The following NAV1 variants were observed in gnomAD, a reference collection of about 807,000 sequenced individuals.
NAV1 encodes neuron navigator 1.
A neutral mutation model predicts 175.2 loss-of-function variants in NAV1; 18 were observed. That is an observed-to-expected ratio of 0.10 (90% CI 0.07 to 0.15). NAV1 has a LOEUF of 0.15. Among genes scored for constraint, NAV1 ranks in the 10% least tolerant of loss-of-function variants. NAV1 has a pLI of 1.00. For missense variants in NAV1, 1,731 were observed against 2,436.6 expected, an observed-to-expected ratio of 0.71 and a Z score of 6.10; for synonymous variants, 897 against 978.7, an observed-to-expected ratio of 0.92 and a Z score of 1.56.
rs193197327 is a variant in NAV1 at position 201,633,983 on chromosome 1, C to T, written c.4+4476C>T. On this transcript the variant is annotated intron_variant, in intron 2 of 29. Transcript: ENST00000367302. Reference sequence around the variant, plus strand: ...TCATAATAGCACTTGTAGCAGCAGCCGACACTTACCGTGGCTTACTGTGAA... The same window carrying T: ...TCATAATAGCACTTGTAGCAGCAGCTGACACTTACCGTGGCTTACTGTGAA... Among the ~76,000 whole-genome samples, 6 of 152,228 alleles carry T rather than the reference C, an allele frequency of 3.9e-5. No individual in the cohort carries two copies. In the East Asian group the frequency reaches 5.8e-4, roughly 15 times the overall value.
intron 1 of NAV1, among the ~76,000 whole-genome samples, chr1:201,562,354 G>A (rs549705676): frequency 9.9e-5 from 15 of 152,202 alleles, no homozygotes; most frequent in East Asian, 3.9e-4. Flanking sequence ...TATGCCCCCC[G>A]ACCTTGGGTC....
intron 1 of NAV1, among the ~76,000 whole-genome samples, chr1:201,546,763 G>T (rs888955362): frequency 2.6e-5 from 4 of 151,634 alleles, no homozygotes; most frequent in African/African-American, 9.7e-5. Context: ...AATTAGCTGG[G>T]CATGGTGGTG....
At chr1:201,785,927 G>A (rs1353605780) in intron 8 of NAV1, among the ~76,000 whole-genome samples, 1 of 151,408 alleles carries the variant, frequency 6.6e-6, no homozygotes, top group Non-Finnish European at 1.5e-5. Flanking sequence ...CGAGTAGCTG[G>A]GGTTATAGGT....
chr1:201,720,571 G>C (rs1169716327), intron 3 of NAV1, among the ~76,000 whole-genome samples: 1 of 152,226 alleles, frequency 6.6e-6, no homozygotes, highest in Non-Finnish European at 1.5e-5. Flanking sequence ...GTCGCAGTCT[G>C]AGGAAGGTGG....
intron 1 of NAV1, among the ~76,000 whole-genome samples, chr1:201,661,875 A>G (rs946844679): frequency 1.3e-5 from 2 of 152,250 alleles, no homozygotes; most frequent in African/African-American, 4.8e-5. Context: ...CATAATATCT[A>G]TCATTTATTA....
intron 11 of NAV1, among the ~76,000 whole-genome samples, chr1:201,790,118 G>C (rs972945654): frequency 6.6e-6 from 1 of 152,182 alleles, no homozygotes; most frequent in African/African-American, 2.4e-5. Flanking sequence ...ATGAAGGTGA[G>C]ATGAATAGAT....
chr1:201,571,204 A>G (rs1181860218), intron 1 of NAV1, among the ~76,000 whole-genome samples: 1 of 152,236 alleles, frequency 6.6e-6, no homozygotes, highest in African/African-American at 2.4e-5. Flanking sequence ...GGTGTGATGA[A>G]GGAGAAGTCA....
chr1:201,642,525 T>TTCTTTCTTTCTTTCTTTCTTTCTTTC lies in NAV1; in HGVS notation c.5-6108_5-6107insCTTTCTTTCTTTCTTTCTTTCTTTCT, dbSNP rs1553247051. 1.7e-4 allele frequency among the ~76,000 whole-genome samples: 17 copies of TTCTTTCTTTCTTTCTTTCTTTCTTTC among 100,306 alleles called. 1 individual carries two copies. Among genetic ancestry groups the TTCTTTCTTTCTTTCTTTCTTTCTTTC allele is most frequent in the African/African-American group, 7.3e-4 (17 of 23,132 alleles). The allele number at this position is 100,306 out of a possible 152,430, so 65.8% of individuals were successfully genotyped here. ...CCGCACCCGGCCTCTTTCTTTCTTT[T>TTCTTTCTTTCTTTCTTTCTTTCTTTC]TTTCTTTCTTTCTTTCTTTCTTTCT... On this transcript the variant is annotated intron_variant, in intron 2 of 29. Coordinates refer to the NAV1 transcript ENST00000367302.
upstream of NAV1, chr1:201,648,242 C>T (rs1009060566): frequency 2.9e-6 from 3 of 1,022,130 alleles, no homozygotes; most frequent in Non-Finnish European, 3.5e-6. Flanking sequence ...CCCGGCAGTG[C>T]GGTGTCCACG....
At chr1:201,766,928 TCTC>T (rs1347104868) in intron 3 of NAV1, among the ~76,000 whole-genome samples, 1 of 151,804 alleles carries the variant, frequency 6.6e-6, no homozygotes, top group East Asian at 2.0e-4. Flanking sequence ...TTCAAGCAAT[TCTC>T]CTGCCTCAGC....
At chr1:201,706,632 T>C (rs144395807) in intron 1 of NAV1, among the ~76,000 whole-genome samples, 9 of 152,278 alleles carry the variant, frequency 5.9e-5, no homozygotes, top group Non-Finnish European at 7.4e-5. Flanking sequence ...TTGAAAACAT[T>C]CTTTCTTTGG....
intron 1 of NAV1, among the ~76,000 whole-genome samples, chr1:201,574,515 G>T (rs750329846): frequency 2.0e-5 from 3 of 152,154 alleles, no homozygotes; most frequent in Non-Finnish European, 4.4e-5. Context: ...CAGGTTTCCT[G>T]TGAGCAAGCA....
exon 30 of NAV1, chr1:201,826,613 C>T (rs1325689970): frequency 6.6e-6 from 1 of 152,020 alleles, no homozygotes; most frequent in Non-Finnish European, 1.5e-5. Flanking sequence ...AAATCCCAAA[C>T]CAGGATATGT....
intron 2 of NAV1, among the ~76,000 whole-genome samples, chr1:201,615,292 T>C: frequency 6.7e-6 from 1 of 148,852 alleles, no homozygotes; most frequent in East Asian, 2.0e-4. Context: ...TGAGATGGAG[T>C]CTCACTCTGT....
At chr1:201,667,490 A>G (rs1423630400) in intron 1 of NAV1, among the ~76,000 whole-genome samples, 8 of 152,192 alleles carry the variant, frequency 5.3e-5, no homozygotes, top group African/African-American at 1.7e-4. Flanking sequence ...AATTTGCCCA[A>G]GTCCACCCAG....
intron 1 of NAV1, among the ~76,000 whole-genome samples, chr1:201,545,053 T>G (rs1262471062): frequency 6.6e-6 from 1 of 152,242 alleles, no homozygotes; most frequent in Non-Finnish European, 1.5e-5. Flanking sequence ...ACACTCTGTG[T>G]GACCTTGGGC....
intron 3 of NAV1, among the ~76,000 whole-genome samples, chr1:201,746,070 C>T (rs950909808): frequency 6.6e-6 from 1 of 152,102 alleles, no homozygotes; most frequent in African/African-American, 2.4e-5. Flanking sequence ...TCAAGCAATC[C>T]ACCCACCTCA....
Position 201,781,124 on chromosome 1 carries a change from T to C in NAV1, c.1478T>C (p.Met493Thr), listed in dbSNP as rs1195024818. 1.9e-6 allele frequency: 3 copies of C among 1,614,202 alleles called. No individual in the cohort carries two copies. In the Admixed American group the frequency reaches 5.0e-5, roughly 27 times the overall value. ...GAGTACGACAGTGGTAGCCTGAAGA[T>C]GGAACCTGGGACTTCTAAGTGGCGG... The change falls in exon 5 of 30, where the codon ATG becomes ACG. Residue 493 changes from methionine to threonine, a missense_variant. By Grantham distance (81) the Met-to-Thr change is moderately conservative. Transcript: ENST00000367296.
intron 2 of NAV1, among the ~76,000 whole-genome samples, chr1:201,601,200 G>C (rs1055101772): frequency 6.6e-6 from 1 of 152,232 alleles, no homozygotes; most frequent in Non-Finnish European, 1.5e-5. Flanking sequence ...TTGGAATCCT[G>C]GCTGGGTGTA....
Sources: allele counts gnomAD v4.1 joint callset (sites outside exome capture counted in the v4.1 genomes callset), GRCh38; gene constraint gnomAD v4.1.1; transcripts MANE v1.5; gene names NCBI Gene and HGNC (gene_info 2026-07-23, HGNC 2026-07-21).